The following DGKG variants were observed in gnomAD, a reference collection of about 807,000 sequenced individuals.
DGKG encodes diacylglycerol kinase gamma, also known as DAG kinase gamma.
DGKG carries 78 observed loss-of-function variants against 105.3 expected under a neutral mutation model. The ratio of observed to expected loss-of-function variants is 0.74; its 90% CI spans 0.62 to 0.89. The LOEUF (loss-of-function observed/expected upper bound fraction) is 0.89. Among genes scored for constraint, DGKG ranks in the 40% least tolerant of loss-of-function variants. The pLI, the probability that DGKG is intolerant of heterozygous loss-of-function variation, is 0.00. For synonymous variants in DGKG, 346 were observed against 367.1 expected (o/e 0.94, Z 0.66); for missense variants, 958 against 1,020.1 (o/e 0.94, Z 0.83).
intron 20 of DGKG, among the ~76,000 whole-genome samples, chr3:186,241,994 C>T (rs947077465): frequency 1.3e-5 from 2 of 152,330 alleles, no homozygotes; most frequent in Admixed American, 1.3e-4. Flanking sequence ...TACCTCTCTG[C>T]TGCTGCCCTC....
intron 1 of DGKG, among the ~76,000 whole-genome samples, chr3:186,339,990 A>G (rs1023799830): frequency 6.6e-6 from 1 of 152,256 alleles, no homozygotes; most frequent in Admixed American, 6.5e-5. Context: ...TAATGAATAT[A>G]GGTTTCCCAG....
At chr3:186,336,811 G>C (rs964983734) in intron 1 of DGKG, among the ~76,000 whole-genome samples, 2 of 152,088 alleles carry the variant, frequency 1.3e-5, no homozygotes, top group African/African-American at 4.8e-5. Context: ...TGAAAAAGAA[G>C]ACATAACTAT....
chr3:186,277,781 A>G (rs1241198929), intron 9 of DGKG, among the ~76,000 whole-genome samples: 1 of 152,108 alleles, frequency 6.6e-6, no homozygotes, highest in Non-Finnish European at 1.5e-5. Flanking sequence ...CGTGCTCACC[A>G]GGTTTTATGC....
intron 5 of DGKG, among the ~76,000 whole-genome samples, chr3:186,294,352 T>A (rs1723446447): frequency 6.6e-6 from 1 of 151,938 alleles, no homozygotes; most frequent in African/African-American, 2.4e-5. Flanking sequence ...AAGTTCCAGA[T>A]AAAATAAACC....
chr3:186,248,427 C>T (rs965624925), intron 19 of DGKG, among the ~76,000 whole-genome samples: 2 of 152,220 alleles, frequency 1.3e-5, no homozygotes, highest in Non-Finnish European at 1.5e-5. Context: ...ATTTCAGTTC[C>T]GGCTTCCATG....
chr3:186,162,164 G>A (rs971044158), intron 23 of DGKG, among the ~76,000 whole-genome samples: 2 of 152,216 alleles, frequency 1.3e-5, no homozygotes, highest in Admixed American at 6.5e-5. Context: ...CCAAAGTGCT[G>A]GGATTACAGG....
At chr3:186,328,954 G>A (rs1214706845) in intron 1 of DGKG, among the ~76,000 whole-genome samples, 6 of 152,106 alleles carry the variant, frequency 3.9e-5, no homozygotes, top group African/African-American at 7.2e-5. Context: ...GGTATCCCAC[G>A]TGACAGCCCG....
chr3:186,218,541 C>G (rs1231035533), intron 20 of DGKG, among the ~76,000 whole-genome samples: 1 of 148,936 alleles, frequency 6.7e-6, no homozygotes, highest in Non-Finnish European at 1.5e-5. Context: ...AGACTCGGAC[C>G]AACTGCTTTC....
chr3:186,346,660 A>G (rs1027024460), intron 1 of DGKG, among the ~76,000 whole-genome samples: 4 of 151,910 alleles, frequency 2.6e-5, no homozygotes, highest in Admixed American at 2.0e-4. Flanking sequence ...ACTATGCTAT[A>G]CTATACTATA....
chr3:186,265,137 T>A, intron 14 of DGKG, 110 bp downstream of exon 14: 1 of 1,040,238 alleles, frequency 9.6e-7, no homozygotes, highest in Non-Finnish European at 1.5e-6. Context: ...ATTAGTCAGA[T>A]GAGAAGGCAA....
intron 18 of DGKG, 34 bp from the exon 19 acceptor site, chr3:186,251,953 C>T (rs1191990609): frequency 1.3e-6 from 2 of 1,518,658 alleles, no homozygotes; most frequent in Non-Finnish European, 1.8e-6. Context: ...GCCACCACAG[C>T]AGAAAGGCTG....
chr3:186,233,708 C>T (rs1720273011), intron 20 of DGKG, among the ~76,000 whole-genome samples: 1 of 152,214 alleles, frequency 6.6e-6, no homozygotes, highest in African/African-American at 2.4e-5. Flanking sequence ...TAGTCTCGAT[C>T]TCCTGACCTC....
In DGKG at chr3:186,299,841, T is replaced by TTTCTTTCTTTCTTTCTTTCTTTCCTTC. The variant is rs1446531456; in HGVS notation, c.145-1613_145-1612insGAAGGAAAGAAAGAAAGAAAGAAAGAA. Among the ~76,000 whole-genome samples the TTTCTTTCTTTCTTTCTTTCTTTCCTTC allele has an allele frequency of 3.5e-4, 26 of 74,652 alleles. 1 individual carries two copies. Among genetic ancestry groups the TTTCTTTCTTTCTTTCTTTCTTTCCTTC allele is most frequent in the African/African-American group, 1.5e-3 (25 of 17,080 alleles). 49.0% of individuals were successfully genotyped at this position (74,652 alleles called of 152,430 possible). On this transcript the variant is annotated intron_variant, in intron 3 of 24. Transcript: ENST00000265022. ...TCTTTCTTTCTTTCTTTCTTTCTTTTTTTTTTTTTTTGAGATAGAGCCTTG... is the reference window on the plus strand; with the variant it reads ...TCTTTCTTTCTTTCTTTCTTTCTTTTTTCTTTCTTTCTTTCTTTCTTTCCTTCTTTTTTTTTTTGAGATAGAGCCTTG...
chr3:186,253,533 T>C (rs1002152363), intron 17 of DGKG, among the ~76,000 whole-genome samples: 2 of 152,202 alleles, frequency 1.3e-5, no homozygotes, highest in African/African-American at 2.4e-5. Flanking sequence ...TAATCAGCAC[T>C]TACTCCATTT....
chr3:186,301,593 C>G (rs1723924251), intron 3 of DGKG, among the ~76,000 whole-genome samples: 2 of 152,226 alleles, frequency 1.3e-5, no homozygotes, highest in African/African-American at 4.8e-5. Context: ...CACCACTGCA[C>G]CCCAGCCTGG....
In DGKG at chr3:186,297,486, G is replaced by A. The variant is rs1277535521; in HGVS notation, c.311-3C>T. ...ATCTGCATTCTGTATATTAGTATCTGAGGAAAAAAAAGAAGATTTAAAGAC... is the reference window on the plus strand; with the variant it reads ...ATCTGCATTCTGTATATTAGTATCTAAGGAAAAAAAAGAAGATTTAAAGAC... On this transcript the variant is annotated splice_region_variant and splice_polypyrimidine_tract_variant and intron_variant, in intron 4 of 24. Transcript: ENST00000265022. The A allele has an allele frequency of 3.7e-6, 6 of 1,608,696 alleles. No individual in the cohort carries two copies. Among genetic ancestry groups the A allele is most frequent in the Non-Finnish European group, 3.4e-6 (4 of 1,175,142 alleles).
At chr3:186,311,548 A>G (rs994466146) in intron 2 of DGKG, among the ~76,000 whole-genome samples, 12 of 152,194 alleles carry the variant, frequency 7.9e-5, no homozygotes, top group African/African-American at 1.9e-4. Flanking sequence ...CAGTGCCCTA[A>G]GAAGTTTTCA....
intron 20 of DGKG, among the ~76,000 whole-genome samples, chr3:186,225,324 C>T (rs1719806174): frequency 6.6e-6 from 1 of 152,072 alleles, no homozygotes; most frequent in South Asian, 2.1e-4. Flanking sequence ...TAAAATTCTC[C>T]TCAAGCCCAT....
At chr3:186,270,179 G>A (rs1722252632) in intron 11 of DGKG, among the ~76,000 whole-genome samples, 1 of 152,164 alleles carries the variant, frequency 6.6e-6, no homozygotes, top group Non-Finnish European at 1.5e-5. Context: ...AGGCTGGAGT[G>A]CAGTGGCATG....
Sources: gnomAD v4.1 joint callset for allele counts (sites outside exome capture counted in the v4.1 genomes callset) on GRCh38, gnomAD v4.1.1 for gene constraint, MANE v1.5 for transcripts, NCBI Gene and HGNC (gene_info 2026-07-23, HGNC 2026-07-21) for gene names.